Variants in ARGFX observed in about 807,000 individuals in gnomAD.
ARGFX encodes the protein arginine-fifty homeobox.
Under a neutral mutation model 8.0 loss-of-function variants are expected in ARGFX, and 10 were observed. The ratio of observed to expected loss-of-function variants is 1.25; its 90% CI spans 0.77 to 2.12. The LOEUF (loss-of-function observed/expected upper bound fraction) is 2.12. ARGFX is among the 30% of genes most tolerant of loss of function. The pLI, the probability that ARGFX is intolerant of heterozygous loss-of-function variation, is 0.00. For synonymous variants in ARGFX, 116 were observed against 117.8 expected, an observed-to-expected ratio of 0.98 and a Z score of 0.10; for missense variants, 282 against 324.3, an observed-to-expected ratio of 0.87 and a Z score of 1.00.
chr3:121,580,567 AGTGT>A (rs143363410), intron 3 of ARGFX, among the ~76,000 whole-genome samples: 33 of 128,122 alleles, frequency 2.6e-4, no homozygotes, highest in Middle Eastern at 4.2e-3. Flanking sequence ...TATAAAGAAA[AGTGT>A]GTGTGTGTGT....
chr3:121,586,749 T>C lies in ARGFX; in HGVS notation c.*149T>C, dbSNP rs1297351289. ...AATGTTGCAAAAAGAGTTTTCCAAG[T>C]AGAGCTGGGCACTACGTAATCAGCC... On this transcript the variant is annotated 3_prime_UTR_variant, in exon 5 of 5. Transcript: ENST00000334384. The C allele has an allele frequency of 2.8e-6, 2 of 721,266 alleles. No homozygotes were observed. The highest frequency in any genetic ancestry group is 4.4e-6 in the Non-Finnish European group (2 of 449,880). The allele number at this position is 721,266 out of a possible 1,614,324, so 44.7% of individuals were successfully genotyped here.
At position 121,570,800 on chromosome 3, in the gene ARGFX, G is replaced by A. The variant is rs2048703723; in HGVS notation, c.87G>A (p.Gln29=). 6.2e-7 allele frequency: 1 copy of A among 1,603,730 alleles called. No homozygotes were observed. Among genetic ancestry groups the A allele is most frequent in the African/African-American group, 1.3e-5 (1 of 74,362 alleles). ...CCAACATGAAGGTGATACCACCACA[G>A]GATCCAGCTAGTCCCAGTGAGTATC... ...NYSNMKVIPP[Q]DPASPSFTLL... Residue 29 remains glutamine, a synonymous_variant, in exon 2 of 5, where the codon CAG becomes CAA. Transcript: ENST00000334384.
rs762775007 is a variant in ARGFX, at chr3:121,586,492, T to A, written c.840T>A (p.Pro280=). 5 of 1,614,186 alleles carry A rather than the reference T, an allele frequency of 3.1e-6. No individual in the cohort carries two copies. Among genetic ancestry groups the A allele is most frequent in the Non-Finnish European group, 4.2e-6 (5 of 1,180,028 alleles). ...CTGGTCCAGCTGTAGGCCTATCTCCTGCACAAACCTGGCCCAATATGACAA... is the reference window on the plus strand; with the variant it reads ...CTGGTCCAGCTGTAGGCCTATCTCCAGCACAAACCTGGCCCAATATGACAA... ...IFAGPAVGLS[P]AQTWPNMTSQ... is the part of the protein sequence containing the mutation. The change falls in exon 5 of 5, where the codon CCT becomes CCA. Residue 280 remains proline (P), a synonymous_variant. Coordinates refer to ENST00000334384, the MANE Select transcript of ARGFX (RefSeq NM_001012659.2).
rs1045998428 is a variant in ARGFX at position 121,585,020 on chromosome 3, G to A, written c.324G>A (p.Gln108=). Residue 108 remains glutamine, a synonymous_variant, in exon 4 of 5, where the codon CAG becomes CAA. Transcript: ENST00000334384. ...CCATGTTCCCAGATAGAAATCTTCAGGAGAAACTAGCTTTGAGACTCGACC... is the reference window on the plus strand; with the variant it reads ...CCATGTTCCCAGATAGAAATCTTCAAGAGAAACTAGCTTTGAGACTCGACC... ...SQTMFPDRNL[Q]EKLALRLDLP... is the part of the protein sequence containing the mutation. The A allele has an allele frequency of 5.6e-6, 9 of 1,613,984 alleles. No individual in the cohort carries two copies. Among genetic ancestry groups the A allele is most frequent in the Non-Finnish European group, 6.8e-6 (8 of 1,179,994 alleles).
rs149102809 is a variant in ARGFX, at chr3:121,584,922, C to T, written c.226C>T (p.Arg76Trp). ...TCTTTATCTCTGCCCTGAAGCAATA[C>T]GGAGAAGGCATAAAGAACGTACTTC... is the stretch of plus-strand genomic sequence containing the variant. ...ASRVAATTAIRRRHKERTSFT... is the reference protein window; with the variant it reads ...ASRVAATTAIWRRHKERTSFT... The change falls in exon 4 of 5, where the codon CGG (arginine) becomes TGG (tryptophan). Residue 76 changes from arginine to tryptophan, a missense_variant. By Grantham distance (101) the Arg-to-Trp change is moderately radical. Coordinates refer to ENST00000334384, the MANE Select transcript of ARGFX (RefSeq NM_001012659.2). 6.6e-5 allele frequency: 107 copies of T among 1,611,800 alleles called. No homozygotes were observed. Among genetic ancestry groups the T allele is most frequent in the Middle Eastern group, 1.9e-4 (1 of 5,182 alleles).
Position 121,570,727 on chromosome 3 carries a change from T to C in ARGFX, c.14T>C (p.Met5Thr). MRNR[M>T]APENPQPDPF... ...ATTTCAGAAACCATGAGGAACAGAATGGCCCCAGAGAATCCCCAGCCAGAC... is the reference window on the plus strand; with the variant it reads ...ATTTCAGAAACCATGAGGAACAGAACGGCCCCAGAGAATCCCCAGCCAGAC... The change falls in exon 2 of 5, where the codon ATG (methionine) becomes ACG (threonine). Residue 5 changes from methionine (M) to threonine (T), a missense_variant. Transcript: ENST00000334384. The C allele has an allele frequency of 6.2e-7, 1 of 1,608,548 alleles. No homozygotes were observed. Among genetic ancestry groups the C allele is most frequent in the Non-Finnish European group, 8.5e-7 (1 of 1,177,780 alleles).
Position 121,585,010 on chromosome 3 carries a change from G to T in ARGFX, c.314G>T (p.Arg105Ile). The change falls in exon 4 of 5, where the codon AGA (arginine) becomes ATA (isoleucine). Residue 105 changes from arginine (R) to isoleucine (I), a missense_variant. Physicochemically the swap from Arg to Ile is moderately conservative, Grantham distance 97. Transcript: ENST00000334384. ...TTTAGCCAGACCATGTTCCCAGATA[G>T]AAATCTTCAGGAGAAACTAGCTTTG... ...ALFSQTMFPD[R>I]NLQEKLALRL... 6.2e-7 allele frequency: 1 copy of T among 1,614,010 alleles called. No homozygotes were observed.
At chr3:121,580,991 CT>C (rs2048776263) in intron 3 of ARGFX, among the ~76,000 whole-genome samples, 1 of 151,776 alleles carries the variant, frequency 6.6e-6, no homozygotes, top group Admixed American at 6.6e-5. Context: ...ATTATTATTT[CT>C]TTTTTGAGGC....
intron 1 of ARGFX, among the ~76,000 whole-genome samples, chr3:121,569,522 C>T (rs557631886): frequency 5.3e-5 from 8 of 151,996 alleles, no homozygotes; most frequent in Non-Finnish European, 7.4e-5. Context: ...CGTGCCACCA[C>T]GCCCAGCTAA....
rs1456963912 is a variant in ARGFX, at chr3:121,577,253, A to ATT, written c.220+354_220+355insTT. On this transcript the variant is annotated intron_variant, in intron 3 of 4. Coordinates refer to ENST00000334384, the MANE Select transcript of ARGFX (RefSeq NM_001012659.2). ...TATATATATATATATATATATATATATATATATTTTTTTTTTTTTAAATGG... is the reference window on the plus strand; with the variant it reads ...TATATATATATATATATATATATATATTTATATATTTTTTTTTTTTTAAATGG... Among the ~76,000 whole-genome samples, 236 of 53,246 alleles carry ATT rather than the reference A, an allele frequency of 4.4e-3. 1 individual carries two copies. The highest frequency in any genetic ancestry group is 9.2e-3 in the African/African-American group (121 of 13,132). 34.9% of individuals were successfully genotyped at this position (53,246 alleles called of 152,430 possible). A position where few individuals can be genotyped will look rare whatever the true frequency, so the allele number is the denominator to read the frequency against.
At chr3:121,585,240 T>C (rs1337191800) in intron 4 of ARGFX, among the ~76,000 whole-genome samples, 175 bp downstream of exon 4, 1 of 152,116 alleles carries the variant, frequency 6.6e-6, no homozygotes, top group East Asian at 1.9e-4. Flanking sequence ...TCATGCAGTT[T>C]GAAAAATGAG....
At chr3:121,572,052 G>A (rs897612438) in intron 2 of ARGFX, among the ~76,000 whole-genome samples, 4 of 151,476 alleles carry the variant, frequency 2.6e-5, no homozygotes, top group Admixed American at 2.0e-4. Flanking sequence ...GATGGTCTAG[G>A]ATCTCCTGAC....
Position 121,586,692 on chromosome 3 carries a change from A to T in ARGFX, c.*92A>T, listed in dbSNP as rs1311601531. On this transcript the variant is annotated 3_prime_UTR_variant, in exon 5 of 5. Transcript: ENST00000334384. ...TTTTCCTTTGTCTCATTTTAACCCA[A>T]CATCTGGGTCTGTGTCTCTGATTTC... 4 of 1,075,738 alleles carry T rather than the reference A, an allele frequency of 3.7e-6. No homozygotes were observed. The highest frequency in any genetic ancestry group is 1.6e-5 in the African/African-American group (1 of 62,882). 66.6% of individuals were successfully genotyped at this position (1,075,738 alleles called of 1,614,324 possible). A position where few individuals can be genotyped will look rare whatever the true frequency, so the allele number is the denominator to read the frequency against.
intron 3 of ARGFX, among the ~76,000 whole-genome samples, chr3:121,584,207 G>GAAGGAAGA (rs200502783): frequency 1.8e-5 from 1 of 56,554 alleles, no homozygotes; most frequent in Admixed American, 1.4e-4. Flanking sequence ...AGAGAGAGAG[G>GAAGGAAGA]AAGGAAGGAA....
intron 3 of ARGFX, among the ~76,000 whole-genome samples, chr3:121,578,120 C>T (rs2048755491): frequency 8.8e-6 from 1 of 113,098 alleles, no homozygotes; most frequent in Non-Finnish European, 1.7e-5. Context: ...CCCTACCCCA[C>T]TTTTTTTTTT....
At chr3:121,572,271 C>T (rs1490230705) in intron 2 of ARGFX, among the ~76,000 whole-genome samples, 5 of 128,614 alleles carry the variant, frequency 3.9e-5, no homozygotes, top group East Asian at 2.3e-4. Flanking sequence ...GACGGAGTTT[C>T]GCTCTTGTTG....
intron 2 of ARGFX, among the ~76,000 whole-genome samples, chr3:121,571,965 AT>A (rs112410958): frequency 6.6e-6 from 1 of 151,532 alleles, no homozygotes; most frequent in African/African-American, 2.4e-5. Flanking sequence ...AGTAGCTGGG[AT>A]TACAGGCATG....
At position 121,586,525 on chromosome 3, in the gene ARGFX, C is replaced by T. The variant is rs1471208046; in HGVS notation, c.873C>T (p.Ala291=). 1 of 1,614,048 alleles carries T rather than the reference C, an allele frequency of 6.2e-7. No homozygotes were observed. Among genetic ancestry groups the T allele is most frequent in the African/African-American group, 1.3e-5 (1 of 74,914 alleles). The change falls in exon 5 of 5, where the codon GCC becomes GCT. Residue 291 remains alanine (A), a synonymous_variant. Coordinates refer to ENST00000334384, the MANE Select transcript of ARGFX (RefSeq NM_001012659.2). ...AQTWPNMTSQ[A]FEAYSLTDSL... is the part of the protein sequence containing the mutation. ...CCTGGCCCAATATGACAAGCCAAGC[C>T]TTTGAAGCCTACAGTCTAACAGATA...
intron 1 of ARGFX, among the ~76,000 whole-genome samples, 33 bp downstream of exon 1, chr3:121,568,046 A>G (rs1040148602): frequency 1.3e-5 from 2 of 152,134 alleles, no homozygotes; most frequent in African/African-American, 2.4e-5. Flanking sequence ...GGTAGCCAGA[A>G]TGTGGGGCTT....
Sources: gnomAD v4.1 joint callset for allele counts (sites outside exome capture counted in the v4.1 genomes callset) on GRCh38, gnomAD v4.1.1 for gene constraint, MANE v1.5 for transcripts, NCBI Gene and HGNC (gene_info 2026-07-23, HGNC 2026-07-21) for gene names.